SLCO6A1: variants seen among roughly 807,000 people sequenced by gnomAD.
The protein encoded by SLCO6A1 is solute carrier organic anion transporter family member 6A1.
Under a neutral mutation model 72.7 loss-of-function variants are expected in SLCO6A1, and 65 were observed. The observed-to-expected ratio is 0.89, with a 90% CI of 0.73 to 1.10. SLCO6A1 has a LOEUF of 1.10. Ranked by LOEUF, SLCO6A1 falls within the 50% of genes least tolerant of loss-of-function variation. The pLI is 0.00. For synonymous variants in SLCO6A1, 314 were observed against 298.2 expected (o/e 1.05, Z -0.55); for missense variants, 874 against 872.6 (o/e 1.00, Z -0.02).
At position 102,480,344 on chromosome 5, in the gene SLCO6A1, C is replaced by T; in HGVS notation, c.449G>A (p.Ser150Asn). Residue 150 changes from serine (S) to asparagine (N), a missense_variant, in exon 2 of 14, where the codon AGT becomes AAT. By Grantham distance (46) the Ser-to-Asn change is conservative. Transcript: ENST00000506729. ...TACCAGGCCAGATGAAATATCGTAA[C>T]TCTTTTCCAATGCCAACTTCTCAAT... ...KTIEKLALEK[S>N]YDISSGLVAI... 1 of 1,613,634 alleles carries T rather than the reference C, an allele frequency of 6.2e-7. No homozygotes were observed. Among genetic ancestry groups the T allele is most frequent in the Non-Finnish European group, 8.5e-7 (1 of 1,179,756 alleles).
intron 2 of SLCO6A1, among the ~76,000 whole-genome samples, chr5:102,478,073 C>T (rs1479156190): frequency 6.6e-6 from 1 of 152,016 alleles, no homozygotes; most frequent in Non-Finnish European, 1.5e-5. Flanking sequence ...AGACACAGCA[C>T]ACACCTGTAG....
At position 102,372,852 on chromosome 5, in the gene SLCO6A1, T is replaced by C. The variant is rs188128280; in HGVS notation, c.*15+485A>G. 1.9e-3 allele frequency among the ~76,000 whole-genome samples: 289 copies of C among 152,040 alleles called. 3 individuals carry two copies. The highest frequency in any genetic ancestry group is 6.7e-3 in the African/African-American group (279 of 41,558). On this transcript the variant is annotated intron_variant, in intron 13 of 13. Coordinates refer to ENST00000506729, the MANE Select transcript of SLCO6A1 (RefSeq NM_173488.5). ...TATGTCAAATCATAGATAAATAAAA[T>C]GTTAATTTTTAAAAGGTTTAAAATA...
chr5:102,456,050 C>A (rs939771021), intron 6 of SLCO6A1, among the ~76,000 whole-genome samples: 6 of 152,172 alleles, frequency 3.9e-5, no homozygotes, highest in African/African-American at 1.2e-4. Flanking sequence ...TGACAAAATT[C>A]AATAACCCTT....
chr5:102,438,534 TTTTA>T, intron 7 of SLCO6A1, 79 bp downstream of exon 7: 16 of 1,121,160 alleles, frequency 1.4e-5, no homozygotes, highest in Non-Finnish European at 1.8e-5. Context: ...TTCTTTATAT[TTTTA>T]TTTATTTCAA....
chr5:102,401,405 A>C (rs746744838), intron 9 of SLCO6A1, among the ~76,000 whole-genome samples: 1 of 152,150 alleles, frequency 6.6e-6, no homozygotes, highest in Non-Finnish European at 1.5e-5. Context: ...ATGTGAAGTC[A>C]TTGGATGGAT....
At chr5:102,435,918 T>C (rs1749507851) in intron 7 of SLCO6A1, among the ~76,000 whole-genome samples, 1 of 152,034 alleles carries the variant, frequency 6.6e-6, no homozygotes, top group African/African-American at 2.4e-5. Context: ...GCTGGAGGTT[T>C]ATAGTGGATT....
chr5:102,402,696 C>A (rs1747466568), intron 9 of SLCO6A1, among the ~76,000 whole-genome samples: 1 of 152,102 alleles, frequency 6.6e-6, no homozygotes, highest in African/African-American at 2.4e-5. Context: ...AATAACAAAC[C>A]TGCTCCTGCA....
In SLCO6A1 at chr5:102,383,095, A is replaced by AAT. The variant is rs60473195; in HGVS notation, c.2017+5591_2017+5592dup. 5.6e-4 allele frequency among the ~76,000 whole-genome samples: 72 copies of AAT among 128,578 alleles called. 3 individuals carry two copies. The highest frequency in any genetic ancestry group is 1.5e-3 in the African/African-American group (51 of 33,238). 84.4% of individuals were successfully genotyped at this position (128,578 alleles called of 152,430 possible). On this transcript the variant is annotated intron_variant, in intron 12 of 13. Transcript: ENST00000506729. ...TATATAGTGTATGTATATGTGTGTG[A>AAT]ATATATATATATATAGTGTTTTATA...
chr5:102,440,364 C>T (rs982251337), intron 6 of SLCO6A1, among the ~76,000 whole-genome samples: 1 of 152,094 alleles, frequency 6.6e-6, no homozygotes, highest in Non-Finnish European at 1.5e-5. Flanking sequence ...AGCACAAACC[C>T]TATTGTGAAC....
At chr5:102,379,112 T>C (rs1745974702) in intron 12 of SLCO6A1, among the ~76,000 whole-genome samples, 1 of 152,160 alleles carries the variant, frequency 6.6e-6, no homozygotes, top group Admixed American at 6.6e-5. Flanking sequence ...TGATATCTAC[T>C]TTTGTGAAGA....
intron 4 of SLCO6A1, among the ~76,000 whole-genome samples, chr5:102,469,601 C>A (rs529139063): frequency 6.6e-6 from 1 of 152,268 alleles, no homozygotes; most frequent in East Asian, 1.9e-4. Flanking sequence ...ATGTCATCTG[C>A]AAACAGGGAC....
rs149579907 is a variant in SLCO6A1 at position 102,424,804 on chromosome 5, C to G, written c.1277-4783G>C. On this transcript the variant is annotated intron_variant, in intron 7 of 13. Coordinates refer to ENST00000506729, the MANE Select transcript of SLCO6A1 (RefSeq NM_173488.5). ...GCATCATCCAGATACCAAAACCTGGCATAGACAAAACAACAAAGAAATTTC... is the reference window on the plus strand; with the variant it reads ...GCATCATCCAGATACCAAAACCTGGGATAGACAAAACAACAAAGAAATTTC... Among the ~76,000 whole-genome samples, 28 of 151,958 alleles carry G rather than the reference C, an allele frequency of 1.8e-4. No individual in the cohort carries two copies. In the East Asian group the frequency reaches 5.0e-3, roughly 27 times the overall value.
intron 4 of SLCO6A1, among the ~76,000 whole-genome samples, chr5:102,465,378 G>C (rs1751260345): frequency 6.6e-6 from 1 of 151,810 alleles, no homozygotes; most frequent in Non-Finnish European, 1.5e-5. Flanking sequence ...TTCTCCAGTG[G>C]GATTGAGTCC....
chr5:102,430,898 A>G (rs1305562908), intron 7 of SLCO6A1, among the ~76,000 whole-genome samples: 1 of 152,086 alleles, frequency 6.6e-6, no homozygotes, highest in Non-Finnish European at 1.5e-5. Context: ...CATTTGGTAG[A>G]GTTTGACTGT....
At chr5:102,373,678 T>G (rs1561406450) in intron 12 of SLCO6A1, among the ~76,000 whole-genome samples, 184 bp from the exon 13 acceptor site, 1 of 151,866 alleles carries the variant, frequency 6.6e-6, no homozygotes, top group African/African-American at 2.4e-5. Context: ...TTTTAAATGT[T>G]TATAATATGT....
intron 10 of SLCO6A1, among the ~76,000 whole-genome samples, chr5:102,397,786 C>T (rs1317083533): frequency 1.3e-5 from 2 of 152,098 alleles, no homozygotes; most frequent in African/African-American, 4.8e-5. Flanking sequence ...TCCAGTCCTG[C>T]TTAAATTTTG....
intron 7 of SLCO6A1, among the ~76,000 whole-genome samples, chr5:102,420,358 G>T (rs6596486): frequency 6.6e-6 from 1 of 151,926 alleles, no homozygotes; most frequent in Non-Finnish European, 1.5e-5. Flanking sequence ...TTATTAACAA[G>T]CTTCCTGGAT....
At chr5:102,490,572 C>T (rs193134457) in intron 1 of SLCO6A1, among the ~76,000 whole-genome samples, 73 of 152,230 alleles carry the variant, frequency 4.8e-4, no homozygotes, top group Non-Finnish European at 7.9e-4. Context: ...CGGACCCTCA[C>T]GGTGAGTGTT....
intron 7 of SLCO6A1, among the ~76,000 whole-genome samples, chr5:102,426,329 G>T (rs2112635814): frequency 6.6e-6 from 1 of 152,182 alleles, no homozygotes; most frequent in East Asian, 1.9e-4. Context: ...AGAGTGAATG[G>T]GCAACCTACA....
Sources: allele counts gnomAD v4.1 joint callset (sites outside exome capture counted in the v4.1 genomes callset), GRCh38; gene constraint gnomAD v4.1.1; transcripts MANE v1.5; gene names NCBI Gene and HGNC (gene_info 2026-07-23, HGNC 2026-07-21).